CACNB3: variants seen among roughly 807,000 people sequenced by gnomAD.
CACNB3 encodes the protein voltage-dependent L-type calcium channel subunit beta-3.
CACNB3 carries 36 observed loss-of-function variants against 63.7 expected under a neutral mutation model. That is an observed-to-expected ratio of 0.57 (90% CI 0.43 to 0.75). The LOEUF (loss-of-function observed/expected upper bound fraction) is 0.75, where lower values mean the gene tolerates loss of function less well. Among genes scored for constraint, CACNB3 ranks in the 30% least tolerant of loss-of-function variants. CACNB3 has a pLI of 0.00. For synonymous variants in CACNB3, 241 were observed against 250.6 expected, an observed-to-expected ratio of 0.96 and a Z score of 0.36; for missense variants, 493 against 648.6, an observed-to-expected ratio of 0.76 and a Z score of 2.61.
At chr12:48,819,025 T>C in intron 1 of CACNB3, 51 bp downstream of exon 1, 22 of 1,564,376 alleles carry the variant, frequency 1.4e-5, no homozygotes, top group Non-Finnish European at 1.9e-5. Flanking sequence ...TGACACCTCC[T>C]CTCCCTTCAA....
chr12:48,824,897 G>A, intron 5 of CACNB3, 52 bp from the exon 6 acceptor site: 1 of 1,609,390 alleles, frequency 6.2e-7, no homozygotes, highest in African/African-American at 1.3e-5. Flanking sequence ...CATGCCCCCA[G>A]GGACCTTTCC....
At chr12:48,815,573 C>T, upstream of CACNB3, 1 of 1,489,666 alleles carries the variant, frequency 6.7e-7, no homozygotes, top group Non-Finnish European at 8.9e-7. Flanking sequence ...GCCCGGCGGG[C>T]GTGGGGCGAG....
chr12:48,828,171 A>G lies in CACNB3; in HGVS notation c.*272A>G, dbSNP rs1592195827. On this transcript the variant is annotated 3_prime_UTR_variant, in exon 13 of 13. Coordinates refer to ENST00000301050, the MANE Select transcript of CACNB3 (RefSeq NM_000725.4). Reference sequence around the variant, plus strand: ...CTGGCACCTTCCTCTCCTCCCACACAGGAAGCTGCCCCACTGGGCAGTGCC... The same window carrying G: ...CTGGCACCTTCCTCTCCTCCCACACGGGAAGCTGCCCCACTGGGCAGTGCC... 3 of 517,356 alleles carry G rather than the reference A, an allele frequency of 5.8e-6. No homozygotes were observed. In the East Asian group the frequency reaches 1.0e-4, roughly 18 times the overall value. The allele number at this position is 517,356 out of a possible 1,614,324, so 32.0% of individuals were successfully genotyped here. A position where few individuals can be genotyped will look rare whatever the true frequency, so the allele number is the denominator to read the frequency against.
upstream of CACNB3, chr12:48,816,742 T>C (rs1309260568): frequency 1.8e-6 from 1 of 542,760 alleles, no homozygotes; most frequent in Non-Finnish European, 2.3e-6. Context: ...GTGCTGCCGA[T>C]GGCAGATCCG....
chr12:48,826,432 G>C lies in CACNB3; in HGVS notation c.808G>C (p.Asp270His), dbSNP rs1938142268. The change falls in exon 10 of 13, where the codon GAC becomes CAC. Residue 270 changes from aspartate (D) to histidine (H), a missense_variant. Transcript: ENST00000301050. This position sits in a 1 kb window ranked among gnomAD's most constrained non-coding sequence, Gnocchi z 4.8. ...LAKSLQLVVLDADTINHPAQL... is the reference protein window; with the variant it reads ...LAKSLQLVVLHADTINHPAQL... The stretch of plus-strand genomic sequence containing the variant: ...CAAATCCCTGCAGCTAGTAGTGTTG[G>C]ACGCTGACACCATCAACCACCCAGC... 1 of 1,614,036 alleles carries C rather than the reference G, an allele frequency of 6.2e-7. No individual in the cohort carries two copies. Among genetic ancestry groups the C allele is most frequent in the Admixed American group, 1.7e-5 (1 of 60,008 alleles).
At chr12:48,816,644 C>T (rs906044450), upstream of CACNB3, among the ~76,000 whole-genome samples, 3 of 152,224 alleles carry the variant, frequency 2.0e-5, no homozygotes, top group Non-Finnish European at 4.4e-5. Context: ...GAACCCATCT[C>T]CTGGGGATGG....
rs944590566 is a variant in CACNB3, at chr12:48,823,513, A to C, written c.168+47A>C. ...CAAGACAGGAGGCCAAGCTAGGTGGAAACCTGCACTCGGTCCTAAGTCCCA... is the reference window on the plus strand; with the variant it reads ...CAAGACAGGAGGCCAAGCTAGGTGGCAACCTGCACTCGGTCCTAAGTCCCA... On this transcript the variant is annotated intron_variant, in intron 2 of 12. Coordinates refer to ENST00000301050, the MANE Select transcript of CACNB3 (RefSeq NM_000725.4). The surrounding 1 kb of genome is among the most constrained non-coding windows in gnomAD (Gnocchi z 4.2). The C allele has an allele frequency of 1.9e-6, 3 of 1,606,546 alleles. No homozygotes were observed. The highest frequency in any genetic ancestry group is 2.6e-6 in the Non-Finnish European group (3 of 1,175,946).
Position 48,825,555 on chromosome 12 carries a change from T to G in CACNB3, c.632+63T>G. 1 of 1,593,048 alleles carries G rather than the reference T, an allele frequency of 6.3e-7. No homozygotes were observed. Among genetic ancestry groups the G allele is most frequent in the Non-Finnish European group, 8.6e-7 (1 of 1,160,960 alleles). ...GAGAAGCTCATGGCCTACTTCCAGATGCCTGTAGCTAGTCTTCTCTAAGGG... is the reference window on the plus strand; with the variant it reads ...GAGAAGCTCATGGCCTACTTCCAGAGGCCTGTAGCTAGTCTTCTCTAAGGG... On this transcript the variant is annotated intron_variant, in intron 8 of 12. Transcript: ENST00000301050. The surrounding 1 kb of genome is among the most constrained non-coding windows in gnomAD (Gnocchi z 4.5).
In CACNB3 at chr12:48,825,137, C is replaced by A; in HGVS notation, c.493-26C>A. 1 of 1,613,016 alleles carries A rather than the reference C, an allele frequency of 6.2e-7. No homozygotes were observed. Among genetic ancestry groups the A allele is most frequent in the Non-Finnish European group, 8.5e-7 (1 of 1,179,062 alleles). On this transcript the variant is annotated intron_variant, in intron 6 of 12. Transcript: ENST00000301050. The surrounding 1 kb of genome is among the most constrained non-coding windows in gnomAD (Gnocchi z 4.5). ...GAGACAGGCACCAGGGCCATGGTTT[C>A]TACTGACCTCATGTCCATTCTGCAG...
Position 48,818,716 on chromosome 12 carries a change from GT to G in CACNB3, c.-211del, listed in dbSNP as rs1937659953. ...CCGCGCTCGGGGTGGGACCGGCTGGGTTTGGGGGGGTGGGGTGGGGGGAGCG... is the reference window on the plus strand; with the variant it reads ...CCGCGCTCGGGGTGGGACCGGCTGGGTTGGGGGGGTGGGGTGGGGGGAGCG... On this transcript the variant is annotated 5_prime_UTR_variant, in exon 1 of 13. Transcript: ENST00000301050. This position sits in a 1 kb window ranked among gnomAD's most constrained non-coding sequence, Gnocchi z 4.3. 2.0e-6 allele frequency: 2 copies of G among 1,022,422 alleles called. No individual in the cohort carries two copies. The highest frequency in any genetic ancestry group is 5.9e-5 in the African/African-American group (2 of 34,080). 63.3% of individuals were successfully genotyped at this position (1,022,422 alleles called of 1,614,324 possible).
intron 4 of CACNB3, 36 bp from the exon 5 acceptor site, chr12:48,824,633 C>T: frequency 1.3e-6 from 2 of 1,488,270 alleles, no homozygotes; most frequent in Non-Finnish European, 9.4e-7. Context: ...GAGACACATT[C>T]TTCTCTCTCT....
At chr12:48,821,073 A>G (rs1383209260) in intron 1 of CACNB3, 1 of 151,850 alleles carries the variant, frequency 6.6e-6, no homozygotes, top group Non-Finnish European at 1.5e-5. Context: ...AGTCCCAACT[A>G]CTCAGGAGGC....
chr12:48,818,779 G>T lies in CACNB3; in HGVS notation c.-151G>T. 1 of 1,345,140 alleles carries T rather than the reference G, an allele frequency of 7.4e-7. No individual in the cohort carries two copies. The highest frequency in any genetic ancestry group is 9.5e-7 in the Non-Finnish European group (1 of 1,050,082). 83.3% of individuals were successfully genotyped at this position (1,345,140 alleles called of 1,614,324 possible). A position where few individuals can be genotyped will look rare whatever the true frequency, so the allele number is the denominator to read the frequency against. On this transcript the variant is annotated 5_prime_UTR_variant, in exon 1 of 13. Transcript: ENST00000301050. This position sits in a 1 kb window ranked among gnomAD's most constrained non-coding sequence, Gnocchi z 4.3. ...TCCGAGCAGCTGGTCTTCGCGGCTC[G>T]CTCCCTCCTTCGCGCTCTCTCGCTC...
At position 48,818,909 on chromosome 12, in the gene CACNB3, T is replaced by C; in HGVS notation, c.-21T>C. 1 of 1,558,910 alleles carries C rather than the reference T, an allele frequency of 6.4e-7. No individual in the cohort carries two copies. Among genetic ancestry groups the C allele is most frequent in the Non-Finnish European group, 8.7e-7 (1 of 1,153,294 alleles). On this transcript the variant is annotated 5_prime_UTR_variant, in exon 1 of 13. Transcript: ENST00000301050. This position sits in a 1 kb window ranked among gnomAD's most constrained non-coding sequence, Gnocchi z 4.3. Reference sequence around the variant, plus strand: ...CGCTCCCGCCCCCGGCGCCGCTCGCTCCCCCGACCCGGACTCCCCCATGTA... The same window carrying C: ...CGCTCCCGCCCCCGGCGCCGCTCGCCCCCCCGACCCGGACTCCCCCATGTA...
At position 48,823,385 on chromosome 12, in the gene CACNB3, A is replaced by G. The variant is rs376641161; in HGVS notation, c.87A>G (p.Ser29=). The change falls in exon 2 of 13, where the codon TCA becomes TCG. Residue 29 remains serine (S), a synonymous_variant. Transcript: ENST00000301050. The surrounding 1 kb of genome is among the most constrained non-coding windows in gnomAD (Gnocchi z 4.2). ...ACACCAGCCGCCCATCTCTGGACTC[A>G]GACGTCTCCCTGGAGGAGGACCGGG... is the stretch of plus-strand genomic sequence containing the variant. The part of the protein sequence containing the change: ...DSYTSRPSLD[S]DVSLEEDRES... 18 of 1,614,038 alleles carry G rather than the reference A, an allele frequency of 1.1e-5. No individual in the cohort carries two copies. The African/African-American group carries it at 1.9e-4, about 17-fold the overall frequency.
rs1258711924 is a variant in CACNB3 at position 48,828,928 on chromosome 12, CAT to C, written c.*1030_*1031del. The C allele has an allele frequency of 8.4e-6, 3 of 357,610 alleles. No individual in the cohort carries two copies. The highest frequency in any genetic ancestry group is 1.7e-5 in the Non-Finnish European group (3 of 179,872). The allele number at this position is 357,610 out of a possible 1,614,324, so 22.2% of individuals were successfully genotyped here. ...TCACCTCACTGTCATCACTAATAAA[CAT>C]CATGCACAGTCCCTCCGGCTTCTGT... is the stretch of plus-strand genomic sequence containing the variant. On this transcript the variant is annotated 3_prime_UTR_variant, in exon 13 of 13. Coordinates refer to ENST00000301050, the MANE Select transcript of CACNB3 (RefSeq NM_000725.4).
chr12:48,817,221 C>T (rs914760493), upstream of CACNB3: 1 of 153,890 alleles, frequency 6.5e-6, no homozygotes, highest in African/African-American at 2.4e-5. Context: ...AGATGCAGCT[C>T]TTCTTTGTCT....
chr12:48,825,799 C>A lies in CACNB3; in HGVS notation c.742+30C>A. 6.7e-7 allele frequency: 1 copy of A among 1,501,502 alleles called. No individual in the cohort carries two copies. 93.0% of individuals were successfully genotyped at this position (1,501,502 alleles called of 1,614,324 possible). On this transcript the variant is annotated intron_variant, in intron 9 of 12. Transcript: ENST00000301050. This position sits in a 1 kb window ranked among gnomAD's most constrained non-coding sequence, Gnocchi z 4.5. ...GAAGTCCCCACCACCTGCTTCTGTG[C>A]CCACTCAAGTGCCAGTGAGAACCTT...
At position 48,825,003 on chromosome 12, in the gene CACNB3, A is replaced by G. The variant is rs376269921; in HGVS notation, c.492+35A>G. On this transcript the variant is annotated intron_variant, in intron 6 of 12. Coordinates refer to ENST00000301050, the MANE Select transcript of CACNB3 (RefSeq NM_000725.4). The surrounding 1 kb of genome is among the most constrained non-coding windows in gnomAD (Gnocchi z 4.5). The stretch of plus-strand genomic sequence containing the variant: ...GGAAGGGACCTGGGCTGGGGGGATC[A>G]TGGCTTATGGCTCTGGGGACAGTGT... 6.3e-7 allele frequency: 1 copy of G among 1,596,410 alleles called. No individual in the cohort carries two copies. Among genetic ancestry groups the G allele is most frequent in the South Asian group, 1.1e-5 (1 of 90,722 alleles).
Sources: gnomAD v4.1 joint callset for allele counts (sites outside exome capture counted in the v4.1 genomes callset) on GRCh38, gnomAD v4.1.1 for gene constraint, Gnocchi (gnomAD v3.1) non-coding constraint, MANE v1.5 for transcripts, NCBI Gene and HGNC (gene_info 2026-07-23, HGNC 2026-07-21) for gene names.